The following ZNF28 variants were observed in gnomAD, a reference collection of about 807,000 sequenced individuals.
ZNF28 encodes the protein zinc finger protein 28, also known as zinc finger protein KOX24.
ZNF28 carries 5 observed loss-of-function variants against 7.2 expected under a neutral mutation model. The ratio of observed to expected loss-of-function variants is 0.70; its 90% CI spans 0.36 to 1.46. The LOEUF (loss-of-function observed/expected upper bound fraction) is 1.46. ZNF28 is among the 40% of genes most tolerant of loss of function. The pLI, the probability that ZNF28 is intolerant of heterozygous loss-of-function variation, is 0.03. For synonymous variants in ZNF28, 288 were observed against 292.4 expected, an observed-to-expected ratio of 0.99 and a Z score of 0.15; for missense variants, 879 against 866.6, an observed-to-expected ratio of 1.01 and a Z score of -0.18.
Position 52,798,912 on chromosome 19 carries a change from C to G in ZNF28, c.*776G>C, listed in dbSNP as rs2062828202. 13 of 1,436,572 alleles carry G rather than the reference C, an allele frequency of 9.0e-6. No individual in the cohort carries two copies. The highest frequency in any genetic ancestry group is 7.1e-5 in the African/African-American group (5 of 70,096). 89.0% of individuals were successfully genotyped at this position (1,436,572 alleles called of 1,614,324 possible). On this transcript the variant is annotated 3_prime_UTR_variant, in exon 4 of 4. Coordinates refer to ENST00000457749, the MANE Select transcript of ZNF28 (RefSeq NM_006969.5). Reference sequence around the variant, plus strand: ...ATAAGTGGTGACTGCCCACTAAAGGCTTTGCCACACTCATTGCACTTGTAA... The same window carrying G: ...ATAAGTGGTGACTGCCCACTAAAGGGTTTGCCACACTCATTGCACTTGTAA...
rs775386534 is a variant in ZNF28, at chr19:52,800,066, G to C, written c.1779C>G (p.His593Gln). The C allele has an allele frequency of 1.2e-6, 2 of 1,614,120 alleles. No homozygotes were observed. Among genetic ancestry groups the C allele is most frequent in the Non-Finnish European group, 1.7e-6 (2 of 1,179,986 alleles). The change falls in exon 4 of 4, where the codon CAC becomes CAG. Residue 593 changes from histidine to glutamine, a missense_variant. Transcript: ENST00000457749. ...VCDKAFRRDS[H>Q]LAQHQRVHTG... ...TATGAACTCTCTGATGTTGTGCCAG[G>C]TGTGAATCCCTCCGGAAAGCCTTGT...
At chr19:52,809,845 G>A (rs2062992824) in intron 2 of ZNF28, 2 of 578,180 alleles carry the variant, frequency 3.5e-6, no homozygotes, top group Non-Finnish European at 6.0e-6. Context: ...GGCGGTGGCG[G>A]TGGTGGCAGT....
chr19:52,813,902 T>A (rs1258527253), intron 2 of ZNF28, among the ~76,000 whole-genome samples: 1 of 145,928 alleles, frequency 6.9e-6, no homozygotes, highest in East Asian at 2.0e-4. Flanking sequence ...TAGGAGGAAG[T>A]GGGAACAGGG....
chr19:52,809,912 C>A, intron 2 of ZNF28: 1 of 836,512 alleles, frequency 1.2e-6, no homozygotes, highest in Non-Finnish European at 2.0e-6. Context: ...ATCTTGTGCC[C>A]GGGGCCGGTG....
rs1232050616 is a variant in ZNF28 at position 52,808,123 on chromosome 19, G to A, written c.26C>T (p.Thr9Ile). ...GAATTCTATGGCCACGTCCCTGAATGTCAATAGACCCTGAAATGGAAACAC... is the reference window on the plus strand; with the variant it reads ...GAATTCTATGGCCACGTCCCTGAATATCAATAGACCCTGAAATGGAAACAC... MALPQGLL[T>I]FRDVAIEFSQ... The change falls in exon 3 of 4, where the codon ACA becomes ATA. Residue 9 changes from threonine to isoleucine, a missense_variant. Physicochemically the swap from Thr to Ile is moderately conservative, Grantham distance 89 (BLOSUM62 -1). Transcript: ENST00000457749. 1.9e-6 allele frequency: 3 copies of A among 1,613,150 alleles called. No individual in the cohort carries two copies. Among genetic ancestry groups the A allele is most frequent in the East Asian group, 2.2e-5 (1 of 44,842 alleles).
chr19:52,799,959 T>A lies in ZNF28; in HGVS notation c.1886A>T (p.His629Leu), dbSNP rs1442381767. The A allele has an allele frequency of 1.2e-6, 2 of 1,613,184 alleles. No individual in the cohort carries two copies. Among genetic ancestry groups the A allele is most frequent in the Non-Finnish European group, 8.5e-7 (1 of 1,179,492 alleles). ...ACACTTGTAAGGTTTCTCTCCAGTA[T>A]GAAGCCTACGATGGATTATAAGCGA... is the stretch of plus-strand genomic sequence containing the variant. Reference protein sequence around the residue: ...TSSLIIHRRLHTGEKPYKCNE... With the variant: ...TSSLIIHRRLLTGEKPYKCNE... Residue 629 changes from histidine to leucine, a missense_variant, in exon 4 of 4, where the codon CAT becomes CTT. This residue lies in a region of ZNF28 where 864 missense variants were observed against 830.2 expected (regional missense o/e 1.04). Coordinates refer to ENST00000457749, the MANE Select transcript of ZNF28 (RefSeq NM_006969.5).
intron 2 of ZNF28, among the ~76,000 whole-genome samples, chr19:52,809,249 G>A (rs1156921327): frequency 6.6e-6 from 1 of 152,170 alleles, no homozygotes; most frequent in Non-Finnish European, 1.5e-5. Flanking sequence ...GATATCTGTA[G>A]TAATGCGGAC....
chr19:52,810,612 T>C (rs1407103518), intron 2 of ZNF28: 3 of 1,480,978 alleles, frequency 2.0e-6, no homozygotes, highest in African/African-American at 1.4e-5. Context: ...ACTACAGCAG[T>C]TCCTGCTCTC....
At position 52,797,527 on chromosome 19, in the gene ZNF28, A is replaced by G; in HGVS notation, c.*2161T>C. ...ATATTCAGTGTATTTGCAGAATAGA[A>G]TAATAGCACCAAAAATTAGTTGAAT... is the stretch of plus-strand genomic sequence containing the variant. On this transcript the variant is annotated 3_prime_UTR_variant, in exon 4 of 4. Coordinates refer to ENST00000457749, the MANE Select transcript of ZNF28 (RefSeq NM_006969.5). 1 of 152,256 alleles carries G rather than the reference A, an allele frequency of 6.6e-6. No homozygotes were observed. Among genetic ancestry groups the G allele is most frequent in the East Asian group, 1.9e-4 (1 of 5,200 alleles). 9.4% of individuals were successfully genotyped at this position (152,256 alleles called of 1,614,324 possible). A position where few individuals can be genotyped will look rare whatever the true frequency, so the allele number is the denominator to read the frequency against.
In ZNF28 at chr19:52,802,886, C is replaced by T. The variant is rs188827890; in HGVS notation, c.143-1184G>A. Among the ~76,000 whole-genome samples the T allele has an allele frequency of 2.6e-5, 4 of 150,974 alleles. No homozygotes were observed. The East Asian group carries it at 7.9e-4, about 30-fold the overall frequency. On this transcript the variant is annotated intron_variant, in intron 3 of 3. Coordinates refer to ENST00000457749, the MANE Select transcript of ZNF28 (RefSeq NM_006969.5). ...CGCCATTCTCCTGCCTCAGCCTCCC[C>T]AGCAGCTTGGACTACAGGCACACAC... is the stretch of plus-strand genomic sequence containing the variant.
Position 52,801,520 on chromosome 19 carries a change from G to A in ZNF28, c.325C>T (p.His109Tyr), listed in dbSNP as rs1353084347. ...TTGATTTCTGTCATGGGTGCTGCAT[G>A]GTCATTTGTTTCATCTTCTTTCCAC... ...FQWKEDETND[H>Y]AAPMTEIKEL... is the part of the protein sequence containing the mutation. The change falls in exon 4 of 4, where the codon CAT (histidine) becomes TAT (tyrosine). Residue 109 changes from histidine to tyrosine, a missense_variant. This residue lies in a region of ZNF28 where 864 missense variants were observed against 830.2 expected (regional missense o/e 1.04). Coordinates refer to ENST00000457749, the MANE Select transcript of ZNF28 (RefSeq NM_006969.5). The A allele has an allele frequency of 1.2e-6, 2 of 1,614,078 alleles. No individual in the cohort carries two copies. Among genetic ancestry groups the A allele is most frequent in the Non-Finnish European group, 1.7e-6 (2 of 1,179,980 alleles).
rs1211150434 is a variant in ZNF28, at chr19:52,815,055, G to A, written c.15+2889C>T. Among the ~76,000 whole-genome samples, 5 of 140,678 alleles carry A rather than the reference G, an allele frequency of 3.6e-5. 2 individuals carry two copies. The highest frequency in any genetic ancestry group is 1.4e-4 in the African/African-American group (5 of 35,272). The allele number at this position is 140,678 out of a possible 152,430, so 92.3% of individuals were successfully genotyped here. On this transcript the variant is annotated intron_variant, in intron 2 of 3. Coordinates refer to ENST00000457749, the MANE Select transcript of ZNF28 (RefSeq NM_006969.5). ...TCAAAGTATACATGTGTGTATATAT[G>A]TATGTATATGTATAGATATGTGTGT...
At chr19:52,810,822 A>G (rs1267421950) in intron 2 of ZNF28, 5 of 294,118 alleles carry the variant, frequency 1.7e-5, no homozygotes, top group Non-Finnish European at 3.2e-5. Flanking sequence ...AAATATATAT[A>G]TATTTTTAAA....
chr19:52,814,478 C>T (rs1267342745), intron 2 of ZNF28: 2 of 145,862 alleles, frequency 1.4e-5, no homozygotes, highest in Non-Finnish European at 1.5e-5. Context: ...ACTATAATCC[C>T]AGCTACTTAG....
At chr19:52,808,280 T>TA in intron 2 of ZNF28, 147 bp from the exon 3 acceptor site, 1 of 1,462,298 alleles carries the variant, frequency 6.8e-7, no homozygotes, top group Non-Finnish European at 9.1e-7. Context: ...ATGATGTTTT[T>TA]ATTATACTTT....
At chr19:52,811,885 G>T (rs2063050210) in intron 2 of ZNF28, among the ~76,000 whole-genome samples, 1 of 132,808 alleles carries the variant, frequency 7.5e-6, no homozygotes, top group Non-Finnish European at 1.6e-5. Flanking sequence ...CCGGGAGGGA[G>T]GTGGGGGGGA....
intron 2 of ZNF28, chr19:52,809,861 T>G (rs1413077570): frequency 1.5e-6 from 1 of 649,800 alleles, no homozygotes; most frequent in East Asian, 2.8e-5. Flanking sequence ...GCAGTAGCAC[T>G]GGGCCTGCGG....
At chr19:52,810,858 T>TCC (rs538037515) in intron 2 of ZNF28, 2 of 45,064 alleles carry the variant, frequency 4.4e-5, no homozygotes, top group African/African-American at 2.4e-4. Flanking sequence ...CCTCTCCCTC[T>TCC]CCCCCTCCCC....
In ZNF28 at chr19:52,798,860, C is replaced by T. The variant is rs765329644; in HGVS notation, c.*828G>A. The T allele has an allele frequency of 2.5e-5, 33 of 1,311,302 alleles. No homozygotes were observed. The highest frequency in any genetic ancestry group is 3.4e-5 in the Non-Finnish European group (32 of 951,710). 81.2% of individuals were successfully genotyped at this position (1,311,302 alleles called of 1,614,324 possible). A position where few individuals can be genotyped will look rare whatever the true frequency, so the allele number is the denominator to read the frequency against. ...ACAATCATTATATTAGTCAAGTTTC[C>T]CTATACTATGGATTGCTTGATGGTG... On this transcript the variant is annotated 3_prime_UTR_variant, in exon 4 of 4. Transcript: ENST00000457749.
Sources: gnomAD v4.1 joint callset for allele counts (sites outside exome capture counted in the v4.1 genomes callset) on GRCh38, gnomAD v4.1.1 for gene constraint, gnomAD v4.1.1 regional missense constraint, MANE v1.5 for transcripts, NCBI Gene and HGNC (gene_info 2026-07-23, HGNC 2026-07-21) for gene names.